The following TCF7L2 variants were observed in gnomAD, a reference collection of about 807,000 sequenced individuals.
TCF7L2 encodes transcription factor 7-like 2.
In TCF7L2, 23 loss-of-function variants were observed where a neutral mutation model predicts 77.9. The observed-to-expected ratio is 0.30, with a 90% CI of 0.21 to 0.42. The LOEUF (loss-of-function observed/expected upper bound fraction) is 0.42, where lower values mean the gene tolerates loss of function less well. TCF7L2 is among the 10% of genes least tolerant of loss of function. TCF7L2 has a pLI of 1.00. For synonymous variants in TCF7L2, 413 were observed against 340.2 expected (o/e 1.21, Z -2.36); for missense variants, 654 against 793.1 (o/e 0.82, Z 2.11).
chr10:113,151,218 C>G lies in TCF7L2; in HGVS notation c.1001+95C>G. The G allele has an allele frequency of 6.4e-7, 1 of 1,570,648 alleles. No homozygotes were observed. Among genetic ancestry groups the G allele is most frequent in the South Asian group, 1.2e-5 (1 of 84,832 alleles). ...TGGTGGCTTTCTGCCTAAGGTTGGC[C>G]TCGTTTGGTTTGACTGCAGCCAATA... On this transcript the variant is annotated intron_variant, in intron 9 of 13. Transcript: ENST00000627217. The surrounding 1 kb of genome is among the most constrained non-coding windows in gnomAD (Gnocchi z 5.2).
chr10:113,016,448 G>C (rs2047354884), intron 4 of TCF7L2, among the ~76,000 whole-genome samples: 1 of 152,218 alleles, frequency 6.6e-6, no homozygotes, highest in African/African-American at 2.4e-5. Flanking sequence ...TACTTGAGGT[G>C]AGAGGGTGGG....
chr10:113,065,871 G>A (rs539192655), intron 5 of TCF7L2, among the ~76,000 whole-genome samples: 1 of 152,306 alleles, frequency 6.6e-6, no homozygotes, highest in East Asian at 1.9e-4. Flanking sequence ...CAATGCTTAG[G>A]AGGGAGTTGC....
At chr10:113,086,730 ATT>A (rs1490306453) in intron 5 of TCF7L2, among the ~76,000 whole-genome samples, 1 of 149,686 alleles carries the variant, frequency 6.7e-6, no homozygotes, top group African/African-American at 2.5e-5. Flanking sequence ...AGAGTTTTTT[ATT>A]TGTTTGTTTT....
intron 5 of TCF7L2, among the ~76,000 whole-genome samples, 191 bp from the exon 6 acceptor site, chr10:113,140,993 C>T (rs1224866504): frequency 6.6e-6 from 1 of 152,154 alleles, no homozygotes; most frequent in African/African-American, 2.4e-5. Flanking sequence ...CAGACCCACC[C>T]AGAGAGCTGT....
chr10:112,970,405 G>T (rs2037983985), intron 4 of TCF7L2, among the ~76,000 whole-genome samples: 1 of 151,638 alleles, frequency 6.6e-6, no homozygotes, highest in Admixed American at 6.6e-5. Context: ...AGGCCACCAG[G>T]ACCCTCCTCC....
chr10:112,952,046 C>T (rs2031759621), intron 3 of TCF7L2, among the ~76,000 whole-genome samples: 1 of 152,004 alleles, frequency 6.6e-6, no homozygotes, highest in Non-Finnish European at 1.5e-5. Flanking sequence ...TCTTCTGTGG[C>T]GTCTTGGGCT....
intron 5 of TCF7L2, among the ~76,000 whole-genome samples, chr10:113,056,841 GA>G (rs1420551002): frequency 6.6e-6 from 1 of 152,172 alleles, no homozygotes; most frequent in Non-Finnish European, 1.5e-5. Context: ...GGCAGGCTGG[GA>G]GAGGCTGCCT....
In TCF7L2 at chr10:113,013,096, A is replaced by G. The variant is rs939797357; in HGVS notation, c.451-26929A>G. ...TCACGCTTAAGACCTGACCTCTCCC[A>G]TGGTTTATAAGCAAGTGGTTTTTTT... On this transcript the variant is annotated intron_variant, in intron 4 of 13. Coordinates refer to ENST00000627217, the MANE Select transcript of TCF7L2 (RefSeq NM_001146274.2). Among the ~76,000 whole-genome samples, 5 of 147,184 alleles carry G rather than the reference A, an allele frequency of 3.4e-5. No individual in the cohort carries two copies. In the East Asian group the frequency reaches 9.9e-4, roughly 29 times the overall value.
intron 4 of TCF7L2, among the ~76,000 whole-genome samples, chr10:112,979,305 T>A (rs546522318): frequency 6.6e-6 from 1 of 152,304 alleles, no homozygotes; most frequent in South Asian, 2.1e-4. Context: ...AGCCCTAGAA[T>A]TTGTTTTCTG....
Position 113,097,996 on chromosome 10 carries a change from G to A in TCF7L2, c.553-43188G>A, listed in dbSNP as rs1206480949. On this transcript the variant is annotated intron_variant, in intron 5 of 13. Transcript: ENST00000627217. ...ACCTGGGAGGTGGAGGTTGCAGTGA[G>A]CCAAGATAATGCCACTACACTCCAG... 3.6e-5 allele frequency among the ~76,000 whole-genome samples: 5 copies of A among 137,694 alleles called. 1 individual carries two copies. Among genetic ancestry groups the A allele is most frequent in the Admixed American group, 3.3e-4 (4 of 12,150 alleles). 90.3% of individuals were successfully genotyped at this position (137,694 alleles called of 152,430 possible).
At chr10:113,070,717 A>C (rs540448868) in intron 5 of TCF7L2, among the ~76,000 whole-genome samples, 2 of 152,278 alleles carry the variant, frequency 1.3e-5, no homozygotes, top group African/African-American at 4.8e-5. Context: ...GCCAGGGGAG[A>C]GTGAAAGCTC....
At chr10:112,963,648 A>G (rs1039127387) in intron 3 of TCF7L2, among the ~76,000 whole-genome samples, 10 of 152,216 alleles carry the variant, frequency 6.6e-5, no homozygotes, top group African/African-American at 2.4e-4. Context: ...AAATCAGCAG[A>G]TGGTGTTTGT....
chr10:113,083,433 A>C (rs1250497649), intron 5 of TCF7L2, among the ~76,000 whole-genome samples: 1 of 152,100 alleles, frequency 6.6e-6, no homozygotes, highest in Non-Finnish European at 1.5e-5. Context: ...TCTGGGGAGG[A>C]ACTGGGCTTG....
At chr10:113,000,901 G>A (rs1251421943) in intron 4 of TCF7L2, among the ~76,000 whole-genome samples, 1 of 152,154 alleles carries the variant, frequency 6.6e-6, no homozygotes, top group Non-Finnish European at 1.5e-5. Flanking sequence ...CCCCGCTAGG[G>A]CCATTCCCCC....
rs570342061 is a variant in TCF7L2, at chr10:112,982,067, T to C, written c.450+17443T>C. On this transcript the variant is annotated intron_variant, in intron 4 of 13. Transcript: ENST00000627217. ...CTATTTTGGAAACATCTAGATGAAC[T>C]TGTGATCGATCTTCCCATTCTATGT... Among the ~76,000 whole-genome samples, 122 of 152,358 alleles carry C rather than the reference T, an allele frequency of 8.0e-4. No individual in the cohort carries two copies. The South Asian group carries it at 0.024, about 30-fold the overall frequency.
chr10:113,117,406 TCTCTCTCTCTCTCTCTCTCTCTCTC>T (rs2063911735), intron 5 of TCF7L2, among the ~76,000 whole-genome samples: 2 of 53,702 alleles, frequency 3.7e-5, no homozygotes, highest in South Asian at 6.5e-4. Context: ...TCTCTCTCTC[TCTCTCTCTCTCTCTCTCTCTCTCTC>T]TCCCTCTCTC....
At chr10:112,964,836 G>C (rs990648844) in intron 4 of TCF7L2, among the ~76,000 whole-genome samples, 14 of 129,318 alleles carry the variant, frequency 1.1e-4, no homozygotes, top group Middle Eastern at 4.0e-3. Context: ...ATCACTGGGG[G>C]AGAAGGGGAG....
At chr10:113,126,800 G>A (rs1321562870) in intron 5 of TCF7L2, 7 of 985,052 alleles carry the variant, frequency 7.1e-6, no homozygotes, top group African/African-American at 1.8e-5. Context: ...CGGCCGGCGC[G>A]GGCCCTGGGC....
chr10:112,979,679 C>T (rs901898483), intron 4 of TCF7L2, among the ~76,000 whole-genome samples: 16 of 151,914 alleles, frequency 1.1e-4, no homozygotes, highest in African/African-American at 2.4e-4. Flanking sequence ...ATTGCTTGAA[C>T]TGGGAGGCGG....
Sources: allele counts gnomAD v4.1 joint callset (sites outside exome capture counted in the v4.1 genomes callset), GRCh38; gene constraint gnomAD v4.1.1; non-coding constraint Gnocchi (gnomAD v3.1); transcripts MANE v1.5; gene names NCBI Gene and HGNC (gene_info 2026-07-23, HGNC 2026-07-21).